Variants in PPP2R3A observed in about 807,000 individuals in gnomAD.
PPP2R3A encodes the protein serine/threonine-protein phosphatase 2A regulatory subunit B'' subunit alpha.
PPP2R3A carries 80 observed loss-of-function variants against 106.9 expected under a neutral mutation model. That is an observed-to-expected ratio of 0.75 (90% CI 0.62 to 0.90). PPP2R3A has a LOEUF of 0.90. PPP2R3A is among the 40% of genes least tolerant of loss of function. The pLI is 0.00. For synonymous variants in PPP2R3A, 483 were observed against 468.3 expected, an observed-to-expected ratio of 1.03 and a Z score of -0.41; for missense variants, 1,386 against 1,350.4, an observed-to-expected ratio of 1.03 and a Z score of -0.41.
intron 10 of PPP2R3A, among the ~76,000 whole-genome samples, chr3:136,098,670 A>G (rs895298952): frequency 1.3e-5 from 2 of 152,230 alleles, no homozygotes; most frequent in Admixed American, 1.3e-4. Context: ...ATGAGAAATA[A>G]TAACAAAGTA....
intron 13 of PPP2R3A, among the ~76,000 whole-genome samples, chr3:136,114,114 G>A (rs1421837073): frequency 6.6e-6 from 1 of 152,118 alleles, no homozygotes; most frequent in East Asian, 1.9e-4. Context: ...GCCCATGGAG[G>A]GTGACCCGAA....
Position 136,082,387 on chromosome 3 carries a change from C to A in PPP2R3A, c.2754C>A (p.Ile918=), listed in dbSNP as rs767420416. 1 of 1,613,926 alleles carries A rather than the reference C, an allele frequency of 6.2e-7. No individual in the cohort carries two copies. Among genetic ancestry groups the A allele is most frequent in the South Asian group, 1.1e-5 (1 of 91,078 alleles). The change falls in exon 8 of 14, where the codon ATC becomes ATA. Residue 918 remains isoleucine, a synonymous_variant. Transcript: ENST00000264977. ...TAGATACTGATCACGACCTCTACAT[C>A]AGCCAGGCCGATCTGTCTCGATACA... The part of the protein sequence containing the change: ...WELDTDHDLY[I]SQADLSRYND...
chr3:136,102,500 C>A (rs1052758352), intron 11 of PPP2R3A, among the ~76,000 whole-genome samples: 5 of 151,998 alleles, frequency 3.3e-5, no homozygotes, highest in African/African-American at 1.2e-4. Context: ...GCAACCACCA[C>A]CATGCCCAGC....
Position 136,047,195 on chromosome 3 carries a change from C to T in PPP2R3A, c.2367-2064C>T, listed in dbSNP as rs144661528. Reference sequence around the variant, plus strand: ...TATAGTCCACGGAAATTTCCCCAGTCTCACTAAAGAGGTGGACATGGCTGA... The same window carrying T: ...TATAGTCCACGGAAATTTCCCCAGTTTCACTAAAGAGGTGGACATGGCTGA... On this transcript the variant is annotated intron_variant, in intron 4 of 13. Coordinates refer to ENST00000264977, the MANE Select transcript of PPP2R3A (RefSeq NM_002718.5). Among the ~76,000 whole-genome samples the T allele has an allele frequency of 1.9e-4, 29 of 152,298 alleles. No individual in the cohort carries two copies. In the East Asian group the frequency reaches 5.0e-3, roughly 26 times the overall value.
At chr3:136,030,054 A>T (rs1198618224) in intron 3 of PPP2R3A, among the ~76,000 whole-genome samples, 2 of 152,136 alleles carry the variant, frequency 1.3e-5, no homozygotes, top group African/African-American at 4.8e-5. Context: ...TCTACAGATA[A>T]TAATTTTTTA....
rs552113907 is a variant in PPP2R3A, at chr3:135,981,549, G to A, written c.-441+15700G>A. 2.6e-5 allele frequency among the ~76,000 whole-genome samples: 4 copies of A among 151,824 alleles called. No homozygotes were observed. In the East Asian group the frequency reaches 5.8e-4, roughly 22 times the overall value. ...AGAAGTGGTGGTATATTAGCAATTT[G>A]CCTTCCTCCTTTCTTCCTTCTCTTC... On this transcript the variant is annotated intron_variant, in intron 1 of 13. Coordinates refer to ENST00000264977, the MANE Select transcript of PPP2R3A (RefSeq NM_002718.5).
Position 136,023,343 on chromosome 3 carries a change from G to A in PPP2R3A, c.1996-3489G>A, listed in dbSNP as rs1371122976. ...CTTGATATTAGATCAAGGAATTAAT[G>A]TGTGTCCTCTATTCAGCTATTTGCA... On this transcript the variant is annotated intron_variant, in intron 2 of 13. Coordinates refer to ENST00000264977, the MANE Select transcript of PPP2R3A (RefSeq NM_002718.5). The A allele has an allele frequency of 6.9e-6, 5 of 722,144 alleles. No individual in the cohort carries two copies. In the African/African-American group the frequency reaches 7.2e-5, roughly 10 times the overall value. 44.7% of individuals were successfully genotyped at this position (722,144 alleles called of 1,614,324 possible).
At chr3:136,074,249 T>A (rs981665779) in intron 6 of PPP2R3A, among the ~76,000 whole-genome samples, 1 of 152,224 alleles carries the variant, frequency 6.6e-6, no homozygotes, top group Non-Finnish European at 1.5e-5. Context: ...CTATGTATCA[T>A]TGAAAATCTA....
At position 136,145,249 on chromosome 3, in the gene PPP2R3A, T is replaced by G. The variant is rs576440345; in HGVS notation, c.*83T>G. Reference sequence around the variant, plus strand: ...GAGATGTTCTCGTTTGCATACTGCTTTTTAAAGACTTTGATTTCTCCAAGT... The same window carrying G: ...GAGATGTTCTCGTTTGCATACTGCTGTTTAAAGACTTTGATTTCTCCAAGT... On this transcript the variant is annotated 3_prime_UTR_variant, in exon 14 of 14. Transcript: ENST00000264977. 164 of 1,461,194 alleles carry G rather than the reference T, an allele frequency of 1.1e-4. No homozygotes were observed. The South Asian group carries it at 2.1e-3, about 19-fold the overall frequency. The allele number at this position is 1,461,194 out of a possible 1,614,324, so 90.5% of individuals were successfully genotyped here.
intron 1 of PPP2R3A, among the ~76,000 whole-genome samples, chr3:135,979,353 A>T (rs60070757): frequency 6.6e-6 from 1 of 150,720 alleles, no homozygotes; most frequent in South Asian, 2.1e-4. Flanking sequence ...CTCTCCAGTG[A>T]CAGAAGGAGA....
chr3:136,006,386 T>A lies in PPP2R3A; in HGVS notation c.1995+2893T>A, dbSNP rs191215019. On this transcript the variant is annotated intron_variant, in intron 2 of 13. Transcript: ENST00000264977. ...AGTTGCCTTCCTACTTGTCTTTTTTTAATCTTTCTTTTCTTATGAAAAGTT... is the reference window on the plus strand; with the variant it reads ...AGTTGCCTTCCTACTTGTCTTTTTTAAATCTTTCTTTTCTTATGAAAAGTT... Among the ~76,000 whole-genome samples, 4 of 152,356 alleles carry A rather than the reference T, an allele frequency of 2.6e-5. No homozygotes were observed. The East Asian group carries it at 7.7e-4, about 29-fold the overall frequency.
chr3:136,039,042 C>T (rs753682272), intron 3 of PPP2R3A, among the ~76,000 whole-genome samples: 1 of 152,090 alleles, frequency 6.6e-6, no homozygotes, highest in Non-Finnish European at 1.5e-5. Flanking sequence ...TTGAATCTTG[C>T]CTTCCATATC....
At chr3:135,990,629 C>T (rs922246111) in intron 1 of PPP2R3A, among the ~76,000 whole-genome samples, 1 of 152,062 alleles carries the variant, frequency 6.6e-6, no homozygotes, top group Non-Finnish European at 1.5e-5. Context: ...TGTGCTTGTA[C>T]AGGAATTTAG....
chr3:136,132,587 A>G lies in PPP2R3A; in HGVS notation c.3330-12456A>G, dbSNP rs1328937369. ...ATAATAAAATAATAATACTTGTACA[A>G]TGAAACTAAAAAAACAATGCTGAGA... On this transcript the variant is annotated intron_variant, in intron 13 of 13. Coordinates refer to ENST00000264977, the MANE Select transcript of PPP2R3A (RefSeq NM_002718.5). Among the ~76,000 whole-genome samples, 6 of 152,052 alleles carry G rather than the reference A, an allele frequency of 3.9e-5. No individual in the cohort carries two copies. In the East Asian group the frequency reaches 7.7e-4, roughly 20 times the overall value.
intron 5 of PPP2R3A, among the ~76,000 whole-genome samples, chr3:136,062,139 T>C (rs1459198904): frequency 2.0e-5 from 3 of 152,172 alleles, no homozygotes; most frequent in Non-Finnish European, 2.9e-5. Flanking sequence ...ATAAACCTGA[T>C]TCCTGGACAT....
chr3:135,984,038 A>G (rs1399228589), intron 1 of PPP2R3A, among the ~76,000 whole-genome samples: 1 of 152,104 alleles, frequency 6.6e-6, no homozygotes, highest in Non-Finnish European at 1.5e-5. Flanking sequence ...ACAGAAATCC[A>G]CCTTTTTGTT....
chr3:136,058,040 A>G (rs1345926237), intron 5 of PPP2R3A, among the ~76,000 whole-genome samples: 1 of 152,204 alleles, frequency 6.6e-6, no homozygotes, highest in African/African-American at 2.4e-5. Flanking sequence ...AAAATACAGA[A>G]TCAACCTAAG....
At chr3:135,968,170 A>G (rs997185414) in intron 1 of PPP2R3A, among the ~76,000 whole-genome samples, 1 of 152,228 alleles carries the variant, frequency 6.6e-6, no homozygotes, top group African/African-American at 2.4e-5. Flanking sequence ...TGCCAACTGG[A>G]CACTAGATTA....
intron 13 of PPP2R3A, among the ~76,000 whole-genome samples, chr3:136,143,561 A>G (rs1938965928): frequency 6.6e-6 from 1 of 152,224 alleles, no homozygotes. Context: ...AGGCCGAGAC[A>G]GGTGGATCAC....
Sources: allele counts gnomAD v4.1 joint callset (sites outside exome capture counted in the v4.1 genomes callset), GRCh38; gene constraint gnomAD v4.1.1; transcripts MANE v1.5; gene names NCBI Gene and HGNC (gene_info 2026-07-23, HGNC 2026-07-21).